FRMD5: variants seen among roughly 807,000 people sequenced by gnomAD.
FRMD5 encodes FERM domain-containing protein 5.
FRMD5 carries 20 observed loss-of-function variants against 69.0 expected under a neutral mutation model. That is an observed-to-expected ratio of 0.29 (90% CI 0.20 to 0.42). FRMD5 has a LOEUF of 0.42. FRMD5 is among the 10% of genes least tolerant of loss of function. The pLI is 1.00. For missense variants in FRMD5, 595 were observed against 708.6 expected (o/e 0.84, Z 1.82); for synonymous variants, 271 against 260.1 (o/e 1.04, Z -0.40).
chr15:44,182,878 T>C (rs962073623), intron 1 of FRMD5, among the ~76,000 whole-genome samples: 1 of 151,926 alleles, frequency 6.6e-6, no homozygotes, highest in Non-Finnish European at 1.5e-5. Context: ...TCACTGCAAG[T>C]TCCGCCTCCC....
chr15:44,141,094 T>G (rs2706472), intron 1 of FRMD5, among the ~76,000 whole-genome samples: 125,014 of 151,844 alleles, frequency 0.82, 53,827 homozygotes, highest in Non-Finnish European at 0.94. Flanking sequence ...CCTACAAAAT[T>G]TGTAAAACTG....
intron 1 of FRMD5, among the ~76,000 whole-genome samples, chr15:43,939,716 C>T (rs1044827385): frequency 1.3e-4 from 20 of 152,102 alleles, no homozygotes; most frequent in Non-Finnish European, 1.9e-4. Flanking sequence ...TGCCAACAGG[C>T]CCAGCTAATG....
chr15:43,912,494 C>A (rs762743262), intron 4 of FRMD5, among the ~76,000 whole-genome samples: 8 of 152,046 alleles, frequency 5.3e-5, no homozygotes, highest in Admixed American at 4.6e-4. Context: ...AAACCTTTTG[C>A]CCCTTACTCA....
intron 1 of FRMD5, among the ~76,000 whole-genome samples, chr15:43,944,918 T>G (rs569863642): frequency 6.6e-6 from 1 of 151,990 alleles, no homozygotes; most frequent in South Asian, 2.1e-4. Context: ...TCTGTGGGTT[T>G]GATAGAAACT....
chr15:44,155,903 A>G (rs536111313), intron 1 of FRMD5, among the ~76,000 whole-genome samples: 62 of 151,822 alleles, frequency 4.1e-4, no homozygotes, highest in African/African-American at 1.4e-3. Context: ...CTCCTCCCCA[A>G]ACATATTTTT....
chr15:43,997,158 G>A (rs1460915521), intron 1 of FRMD5, among the ~76,000 whole-genome samples: 1 of 152,120 alleles, frequency 6.6e-6, no homozygotes, highest in South Asian at 2.1e-4. Context: ...AATGCTGCTA[G>A]CACCAGAAAG....
At chr15:44,052,077 A>C (rs1404609484) in intron 1 of FRMD5, among the ~76,000 whole-genome samples, 1 of 152,072 alleles carries the variant, frequency 6.6e-6, no homozygotes, top group Non-Finnish European at 1.5e-5. Flanking sequence ...CACCTCCTTG[A>C]GAACAAAGTA....
At chr15:43,999,493 G>T (rs904855008) in intron 1 of FRMD5, among the ~76,000 whole-genome samples, 1 of 151,984 alleles carries the variant, frequency 6.6e-6, no homozygotes, top group Non-Finnish European at 1.5e-5. Context: ...TTCCTAGTAT[G>T]CAATTCATTA....
At chr15:43,937,365 C>T (rs923469495) in intron 1 of FRMD5, among the ~76,000 whole-genome samples, 3 of 152,104 alleles carry the variant, frequency 2.0e-5, no homozygotes, top group Non-Finnish European at 2.9e-5. Context: ...AAGTGCTCTT[C>T]GGCCAGGCGT....
intron 1 of FRMD5, among the ~76,000 whole-genome samples, chr15:43,961,385 C>T (rs1430092955): frequency 6.6e-6 from 1 of 152,140 alleles, no homozygotes; most frequent in African/African-American, 2.4e-5. Flanking sequence ...AGACCAATAA[C>T]AGGAGCTGAA....
intron 1 of FRMD5, among the ~76,000 whole-genome samples, chr15:43,958,023 G>C (rs940746276): frequency 6.6e-6 from 1 of 152,216 alleles, no homozygotes; most frequent in Non-Finnish European, 1.5e-5. Flanking sequence ...AAGGTCAAGT[G>C]TGTGTAACCT....
intron 1 of FRMD5, among the ~76,000 whole-genome samples, chr15:44,070,763 A>G (rs757216338): frequency 6.6e-6 from 1 of 152,132 alleles, no homozygotes; most frequent in Non-Finnish European, 1.5e-5. Context: ...ATCCTATCCA[A>G]CCTTTACCTG....
At chr15:44,141,246 A>G (rs1391536637) in intron 1 of FRMD5, among the ~76,000 whole-genome samples, 1 of 152,202 alleles carries the variant, frequency 6.6e-6, no homozygotes, top group Admixed American at 6.5e-5. Flanking sequence ...AATATTCTAC[A>G]AGGAAATTTT....
At chr15:44,001,031 T>C (rs2140173528) in intron 1 of FRMD5, among the ~76,000 whole-genome samples, 1 of 152,278 alleles carries the variant, frequency 6.6e-6, no homozygotes, top group South Asian at 2.1e-4. Context: ...AAGGGTTCCC[T>C]TTTCTCACCG....
At chr15:44,076,628 T>G (rs1350704603) in intron 1 of FRMD5, among the ~76,000 whole-genome samples, 3 of 75,886 alleles carry the variant, frequency 4.0e-5, no homozygotes, top group Admixed American at 1.9e-4. Context: ...TGTTGTGGGG[T>G]GGGGGGAGGG....
intron 1 of FRMD5, among the ~76,000 whole-genome samples, chr15:44,069,672 G>A (rs1322307699): frequency 3.0e-4 from 46 of 152,086 alleles, no homozygotes; most frequent in Admixed American, 2.9e-3. Context: ...GAGGGTGAGA[G>A]GTGTCTATAA....
intron 1 of FRMD5, among the ~76,000 whole-genome samples, chr15:44,028,296 G>T (rs996228937): frequency 1.3e-5 from 2 of 152,214 alleles, no homozygotes; most frequent in Non-Finnish European, 2.9e-5. Context: ...TCTATGGCAA[G>T]AGAAGGATAT....
At chr15:44,099,581 A>G (rs1273636668) in intron 1 of FRMD5, among the ~76,000 whole-genome samples, 3 of 152,174 alleles carry the variant, frequency 2.0e-5, no homozygotes, top group Non-Finnish European at 4.4e-5. Context: ...CTTGGCCCCT[A>G]TTTTGATTCA....
intron 1 of FRMD5, among the ~76,000 whole-genome samples, chr15:44,008,288 G>C (rs1009083992): frequency 1.3e-5 from 2 of 151,364 alleles, no homozygotes; most frequent in Admixed American, 6.6e-5. Flanking sequence ...TTTTGAGACA[G>C]AGTCTTGCTC....
Sources: gnomAD v4.1 joint callset for allele counts (sites outside exome capture counted in the v4.1 genomes callset) on GRCh38, gnomAD v4.1.1 for gene constraint, MANE v1.5 for transcripts, NCBI Gene and HGNC (gene_info 2026-07-23, HGNC 2026-07-21) for gene names.